Variants in CDH23 observed in about 807,000 individuals in gnomAD.
CDH23 encodes the protein cadherin related 23.
In CDH23, 189 loss-of-function variants were observed where a neutral mutation model predicts 317.1. That is an observed-to-expected ratio of 0.60 (90% CI 0.53 to 0.67). The LOEUF (loss-of-function observed/expected upper bound fraction) is 0.67, where lower values mean the gene tolerates loss of function less well. CDH23 is among the 30% of genes least tolerant of loss of function. The probability of loss-of-function intolerance (pLI) is 0.00; values close to 1 mark genes in which losing one functional copy is unlikely to be tolerated. For missense variants in CDH23, 4,401 were observed against 4,592.4 expected (o/e 0.96, Z 1.20); for synonymous variants, 1,839 against 1,876.8 (o/e 0.98, Z 0.52).
chr10:71,533,128 T>C (rs1855496800), intron 6 of CDH23, among the ~76,000 whole-genome samples: 1 of 152,144 alleles, frequency 6.6e-6, no homozygotes, highest in Non-Finnish European at 1.5e-5. Flanking sequence ...TGGGACTACG[T>C]CTTTGTAGAC....
Position 71,432,442 on chromosome 10 carries a change from A to AGT in CDH23, c.-5-7384_-5-7383insTG, listed in dbSNP as rs1214758253. Among the ~76,000 whole-genome samples the AGT allele has an allele frequency of 1.6e-4, 22 of 140,190 alleles. 1 individual carries two copies. In the South Asian group the frequency reaches 3.0e-3, roughly 19 times the overall value. The allele number at this position is 140,190 out of a possible 152,430, so 92.0% of individuals were successfully genotyped here. ...GTGTGTGGGTGAGTGTGTGTTTGAG[A>AGT]GCGTGTGTGTGAGAGCATGTGAGTG... On this transcript the variant is annotated intron_variant, in intron 1 of 69. Coordinates refer to ENST00000224721, the MANE Select transcript of CDH23 (RefSeq NM_022124.6).
chr10:71,814,520 C>T (rs867861611), intron 69 of CDH23, among the ~76,000 whole-genome samples: 25 of 152,108 alleles, frequency 1.6e-4, no homozygotes, highest in Admixed American at 3.9e-4. Context: ...ACCAGCCTGG[C>T]CAACATGGCG....
intron 3 of CDH23, among the ~76,000 whole-genome samples, chr10:71,473,713 AC>A (rs1851637127): frequency 6.6e-6 from 1 of 152,220 alleles, no homozygotes; most frequent in South Asian, 2.1e-4. Context: ...GCACAGAAGA[AC>A]CCAACAATAT....
chr10:71,707,101 C>T (rs1307381834), intron 26 of CDH23, 52 bp downstream of exon 26: 2 of 1,568,526 alleles, frequency 1.3e-6, no homozygotes, highest in South Asian at 2.3e-5. Flanking sequence ...GCCCTGCCTC[C>T]ACCCCTCCCA....
chr10:71,783,228 T>C (rs1320760437), intron 41 of CDH23, among the ~76,000 whole-genome samples: 2 of 152,204 alleles, frequency 1.3e-5, no homozygotes, highest in Non-Finnish European at 2.9e-5. Flanking sequence ...CTCAACTTTC[T>C]TCCTGCCAGA....
At chr10:71,693,144 G>T (rs961793488) in intron 20 of CDH23, among the ~76,000 whole-genome samples, 3 of 152,258 alleles carry the variant, frequency 2.0e-5, no homozygotes, top group African/African-American at 7.2e-5. Context: ...GCTGAAGTCT[G>T]CTGGGACTGG....
At chr10:71,456,269 C>T (rs1445018381) in intron 3 of CDH23, among the ~76,000 whole-genome samples, 1 of 151,110 alleles carries the variant, frequency 6.6e-6, no homozygotes, top group East Asian at 1.9e-4. Flanking sequence ...GCTCTTGGTG[C>T]CCTCACAGAA....
At position 71,810,089 on chromosome 10, in the gene CDH23, C is replaced by T. The variant is rs886047142; in HGVS notation, c.8979+13C>T. ...TGACAATGTGCAGGTGCCTCATGGG[C>T]CCACCCGGGGCCGGGGCAGTGGAGG... On this transcript the variant is annotated intron_variant, in intron 61 of 69. Coordinates refer to ENST00000224721, the MANE Select transcript of CDH23 (RefSeq NM_022124.6). 6 of 1,609,038 alleles carry T rather than the reference C, an allele frequency of 3.7e-6. No homozygotes were observed. The highest frequency in any genetic ancestry group is 1.3e-5 in the African/African-American group (1 of 74,884).
At chr10:71,724,544 C>T (rs1866721934) in intron 29 of CDH23, among the ~76,000 whole-genome samples, 1 of 152,194 alleles carries the variant, frequency 6.6e-6, no homozygotes, top group African/African-American at 2.4e-5. Context: ...CCTTGTGATC[C>T]ACCCATCTCA....
intron 21 of CDH23, 45 bp downstream of exon 21, chr10:71,694,304 A>G (rs370138191): frequency 1.8e-5 from 26 of 1,458,214 alleles, no homozygotes; most frequent in Middle Eastern, 1.8e-4. Flanking sequence ...CTCGCCGGCC[A>G]GGCTGCTGCT....
intron 3 of CDH23, among the ~76,000 whole-genome samples, chr10:71,470,614 TG>T (rs1851462060): frequency 6.6e-6 from 1 of 152,038 alleles, no homozygotes; most frequent in African/African-American, 2.4e-5. Context: ...ATCAGCCTCC[TG>T]AGTAGCTGGG....
intron 35 of CDH23, 150 bp from the exon 36 acceptor site, chr10:71,739,494 A>G: frequency 1.1e-6 from 1 of 915,864 alleles, no homozygotes; most frequent in Non-Finnish European, 1.6e-6. Flanking sequence ...AGGGAGATGA[A>G]TCACTTCTGC....
chr10:71,702,612 A>G lies in CDH23; in HGVS notation c.2651A>G (p.Asn884Ser), dbSNP rs772175472. The G allele has an allele frequency of 3.1e-6, 5 of 1,613,990 alleles. No homozygotes were observed. Among genetic ancestry groups the G allele is most frequent in the South Asian group, 1.1e-5 (1 of 91,084 alleles). The stretch of plus-strand genomic sequence containing the variant: ...GTGTTTGTGAACCTCTTGGATCTCA[A>G]TGACAATGACCCCACCTTTCAGAAC... ...ATVFVNLLDL[N>S]DNDPTFQNLP... The change falls in exon 24 of 70, where the codon AAT becomes AGT. Residue 884 changes from asparagine to serine, a missense_variant. Coordinates refer to ENST00000224721, the MANE Select transcript of CDH23 (RefSeq NM_022124.6).
intron 33 of CDH23, 89 bp downstream of exon 33, chr10:71,734,430 G>C (rs534338222): frequency 6.7e-7 from 1 of 1,491,086 alleles, no homozygotes; most frequent in South Asian, 1.2e-5. Context: ...GCCACCCAAT[G>C]TATGGGCCAG....
intron 11 of CDH23, among the ~76,000 whole-genome samples, chr10:71,632,902 T>C (rs1310326794): frequency 6.6e-6 from 1 of 152,172 alleles, no homozygotes; most frequent in East Asian, 1.9e-4. Flanking sequence ...AAAATTTATT[T>C]CTTACAGCTA....
intron 6 of CDH23, among the ~76,000 whole-genome samples, chr10:71,552,808 C>G (rs1240244139): frequency 6.6e-6 from 1 of 152,184 alleles, no homozygotes; most frequent in Non-Finnish European, 1.5e-5. Flanking sequence ...CCATCCAGGG[C>G]TCTTTCTTCC....
chr10:71,434,136 C>G (rs868281847), intron 1 of CDH23, among the ~76,000 whole-genome samples: 5 of 152,264 alleles, frequency 3.3e-5, no homozygotes, highest in Non-Finnish European at 4.4e-5. Flanking sequence ...TTGCACAGGC[C>G]GCTCCCTCTG....
Position 71,566,438 on chromosome 10 carries a change from G to A in CDH23, c.430-304G>A, listed in dbSNP as rs1372949123. Among the ~76,000 whole-genome samples the A allele has an allele frequency of 2.0e-5, 3 of 152,194 alleles. No individual in the cohort carries two copies. In the South Asian group the frequency reaches 6.2e-4, roughly 32 times the overall value. On this transcript the variant is annotated intron_variant, in intron 6 of 69. Coordinates refer to ENST00000224721, the MANE Select transcript of CDH23 (RefSeq NM_022124.6). ...GGCAGCCAAGGAGCATTTGACAGAG[G>A]AAGCGAAACCACCAAGAAACAGGTT...
chr10:71,709,894 A>G (rs1865912599), intron 27 of CDH23, among the ~76,000 whole-genome samples: 1 of 152,186 alleles, frequency 6.6e-6, no homozygotes, highest in South Asian at 2.1e-4. Context: ...CAATCATGGC[A>G]GAAGGCAAGG....
Sources: allele counts gnomAD v4.1 joint callset (sites outside exome capture counted in the v4.1 genomes callset), GRCh38; gene constraint gnomAD v4.1.1; transcripts MANE v1.5; gene names NCBI Gene and HGNC (gene_info 2026-07-23, HGNC 2026-07-21).